Variants in AMBRA1 observed in about 807,000 individuals in gnomAD.
AMBRA1 encodes autophagy and beclin 1 regulator 1.
AMBRA1 carries 47 observed loss-of-function variants against 125.4 expected under a neutral mutation model. The observed-to-expected ratio is 0.37, with a 90% CI of 0.30 to 0.48. The LOEUF is 0.48. Among genes scored for constraint, AMBRA1 ranks in the 20% least tolerant of loss-of-function variants. The pLI, the probability that AMBRA1 is intolerant of heterozygous loss-of-function variation, is 0.99. For synonymous variants in AMBRA1, 626 were observed against 655.5 expected (o/e 0.95, Z 0.69); for missense variants, 1,331 against 1,693.4 (o/e 0.79, Z 3.76).
Position 46,397,948 on chromosome 11 carries a change from C to A in AMBRA1, c.3404-5G>T, listed in dbSNP as rs1945537317. On this transcript the variant is annotated splice_region_variant and splice_polypyrimidine_tract_variant and intron_variant, in intron 17 of 17. Coordinates refer to ENST00000683756, the MANE Select transcript of AMBRA1 (RefSeq NM_001387011.1). ...CACCATACTCTGAACCCTCACCTGG[C>A]AGATACAAAGCAGAAGAGAGAGCGA... is the stretch of plus-strand genomic sequence containing the variant. The A allele has an allele frequency of 1.3e-6, 2 of 1,584,490 alleles. No individual in the cohort carries two copies. The highest frequency in any genetic ancestry group is 1.7e-6 in the Non-Finnish European group (2 of 1,168,822).
intron 11 of AMBRA1, among the ~76,000 whole-genome samples, chr11:46,470,693 T>C (rs1470281705): frequency 6.6e-6 from 1 of 151,636 alleles, no homozygotes; most frequent in African/African-American, 2.4e-5. Flanking sequence ...GCCCAGGAGT[T>C]GGGTGCTTGC....
intron 1 of AMBRA1, among the ~76,000 whole-genome samples, chr11:46,562,284 C>T (rs1338128579): frequency 1.3e-5 from 2 of 152,076 alleles, no homozygotes; most frequent in Admixed American, 6.6e-5. Flanking sequence ...GTAAGCTTAG[C>T]GCATGTGAAG....
intron 1 of AMBRA1, among the ~76,000 whole-genome samples, chr11:46,570,606 G>GA (rs1171123555): frequency 6.6e-6 from 1 of 151,970 alleles, no homozygotes; most frequent in Non-Finnish European, 1.5e-5. Context: ...CAAAACCCTA[G>GA]CTCAACGTGA....
intron 11 of AMBRA1, among the ~76,000 whole-genome samples, chr11:46,488,840 A>G (rs1194907005): frequency 1.3e-5 from 2 of 152,094 alleles, no homozygotes; most frequent in African/African-American, 4.8e-5. Flanking sequence ...TCAACAACAC[A>G]CTCCCAAAAA....
intron 1 of AMBRA1, among the ~76,000 whole-genome samples, chr11:46,573,656 C>A (rs1431249109): frequency 7.1e-6 from 1 of 141,426 alleles, no homozygotes; most frequent in Non-Finnish European, 1.5e-5. Flanking sequence ...GAAGCAGAAT[C>A]CTTTTTCTTT....
chr11:46,484,609 T>A (rs770341521), intron 11 of AMBRA1, among the ~76,000 whole-genome samples: 1 of 151,874 alleles, frequency 6.6e-6, no homozygotes, highest in African/African-American at 2.4e-5. Context: ...GTATACGCAT[T>A]CCCTTTCCAC....
At chr11:46,481,571 C>T (rs540672783) in intron 11 of AMBRA1, among the ~76,000 whole-genome samples, 2 of 152,266 alleles carry the variant, frequency 1.3e-5, no homozygotes, top group African/African-American at 4.8e-5. Context: ...CCATGTTGGT[C>T]AGGCTGGTCT....
At chr11:46,586,605 T>A (rs1447125472) in intron 1 of AMBRA1, among the ~76,000 whole-genome samples, 1 of 152,214 alleles carries the variant, frequency 6.6e-6, no homozygotes, top group Non-Finnish European at 1.5e-5. Context: ...TTATCATGTG[T>A]TCTTTTGGAA....
At chr11:46,522,382 T>C (rs1014075116) in intron 7 of AMBRA1, among the ~76,000 whole-genome samples, 2 of 152,344 alleles carry the variant, frequency 1.3e-5, no homozygotes, top group Admixed American at 1.3e-4. Flanking sequence ...CCAATCTACA[T>C]GGACATCTTT....
intron 12 of AMBRA1, among the ~76,000 whole-genome samples, chr11:46,437,746 CAGGAA>C (rs1226244722): frequency 6.6e-6 from 1 of 152,148 alleles, no homozygotes; most frequent in Non-Finnish European, 1.5e-5. Flanking sequence ...ATTTAGGCCA[CAGGAA>C]AGTAATGTAC....
At chr11:46,469,874 C>A (rs978573836) in intron 11 of AMBRA1, among the ~76,000 whole-genome samples, 1 of 146,226 alleles carries the variant, frequency 6.8e-6, no homozygotes, top group African/African-American at 2.5e-5. Context: ...GATATGGTCT[C>A]ACTATGTTGC....
intron 11 of AMBRA1, among the ~76,000 whole-genome samples, chr11:46,448,932 TTGAAGCAATCATTA>T (rs1283600419): frequency 6.6e-6 from 1 of 152,166 alleles, no homozygotes; most frequent in African/African-American, 2.4e-5. Context: ...ATCTATTAAA[TTGAAGCAATCATTA>T]ATAATCTCCT....
chr11:46,397,860 C>T lies in AMBRA1; in HGVS notation c.3487G>A (p.Val1163Met), dbSNP rs148784670. ...GTGGTGCTCTGCTCCCGCTGCACCA[C>T]GGCTGTCATGCCGCCCTCCGCCATC... ...RLMAEGGMTA[V>M]VQREQSTTMA... is the part of the protein sequence containing the mutation. The change falls in exon 18 of 18, where the codon GTG becomes ATG. Residue 1163 changes from valine (V) to methionine (M), a missense_variant. Physicochemically the swap from Val to Met is conservative, Grantham distance 21. Transcript: ENST00000683756. 10 of 1,600,916 alleles carry T rather than the reference C, an allele frequency of 6.2e-6. No homozygotes were observed. The highest frequency in any genetic ancestry group is 1.1e-5 in the South Asian group (1 of 91,074).
At chr11:46,561,329 C>T (rs977585726) in intron 1 of AMBRA1, among the ~76,000 whole-genome samples, 2 of 150,698 alleles carry the variant, frequency 1.3e-5, no homozygotes, top group African/African-American at 2.4e-5. Flanking sequence ...TGCAGTGAGC[C>T]GAGATCATGC....
intron 4 of AMBRA1, chr11:46,546,022 A>C: frequency 3.1e-6 from 1 of 320,274 alleles, no homozygotes; most frequent in Non-Finnish European, 5.7e-6. Context: ...ATATATACAC[A>C]GTTCCTATTT....
chr11:46,444,770 C>T (rs1318212949), intron 11 of AMBRA1, among the ~76,000 whole-genome samples: 1 of 152,044 alleles, frequency 6.6e-6, no homozygotes, highest in Non-Finnish European at 1.5e-5. Flanking sequence ...TCCTGGTGTC[C>T]CTTTCTTTCC....
intron 1 of AMBRA1, among the ~76,000 whole-genome samples, chr11:46,567,867 G>A (rs1350173575): frequency 6.6e-6 from 1 of 152,008 alleles, no homozygotes; most frequent in African/African-American, 2.4e-5. Flanking sequence ...ACCTAGCTGG[G>A]GCTGGGCGCG....
chr11:46,474,607 T>G (rs1271706181), intron 11 of AMBRA1, among the ~76,000 whole-genome samples: 1 of 152,120 alleles, frequency 6.6e-6, no homozygotes, highest in Non-Finnish European at 1.5e-5. Flanking sequence ...AGGCTGGTCT[T>G]GAACTCCAGA....
chr11:46,417,265 T>C (rs1353694109), intron 15 of AMBRA1, among the ~76,000 whole-genome samples: 2 of 152,112 alleles, frequency 1.3e-5, no homozygotes, highest in African/African-American at 4.8e-5. Context: ...TTGACCAGGA[T>C]GGTCTCAATC....
Sources: allele counts gnomAD v4.1 joint callset (sites outside exome capture counted in the v4.1 genomes callset), GRCh38; gene constraint gnomAD v4.1.1; transcripts MANE v1.5; gene names NCBI Gene and HGNC (gene_info 2026-07-23, HGNC 2026-07-21).